PCDHGB3: variants seen among roughly 807,000 people sequenced by gnomAD.
PCDHGB3 encodes the protein protocadherin gamma subfamily B, 3.
PCDHGB3 carries 40 observed loss-of-function variants against 59.2 expected under a neutral mutation model. The ratio of observed to expected loss-of-function variants is 0.68; its 90% CI spans 0.52 to 0.88. The LOEUF is 0.88. PCDHGB3 is among the 40% of genes least tolerant of loss of function. PCDHGB3 has a pLI of 0.00. For missense variants in PCDHGB3, 1,309 were observed against 1,187.9 expected (o/e 1.10, Z -1.50); for synonymous variants, 581 against 503.6 (o/e 1.15, Z -2.06).
At chr5:141,451,315 T>A (rs2154563546) in intron 1 of PCDHGB3, among the ~76,000 whole-genome samples, 1 of 152,330 alleles carries the variant, frequency 6.6e-6, no homozygotes, top group South Asian at 2.1e-4. Context: ...GCAATTAAAG[T>A]GTCACCTAAG....
In PCDHGB3 at chr5:141,476,966, G is replaced by C. The variant is rs780645226; in HGVS notation, c.2416-17841G>C. The C allele has an allele frequency of 1.2e-6, 2 of 1,614,152 alleles. No homozygotes were observed. Among genetic ancestry groups the C allele is most frequent in the Non-Finnish European group, 1.7e-6 (2 of 1,180,032 alleles). On this transcript the variant is annotated intron_variant, in intron 1 of 3. Coordinates refer to ENST00000576222, the MANE Select transcript of PCDHGB3 (RefSeq NM_018924.5). This position sits in a 1 kb window ranked among gnomAD's most constrained non-coding sequence, Gnocchi z 7.6. ...CAACGGTGAAATTATTTACTCCTTCGGCAGCCACAACCGCGCCGGCGTGCG... is the reference window on the plus strand; with the variant it reads ...CAACGGTGAAATTATTTACTCCTTCCGCAGCCACAACCGCGCCGGCGTGCG...
intron 1 of PCDHGB3, chr5:141,375,832 G>A (rs1771947844): frequency 2.5e-6 from 4 of 1,614,028 alleles, no homozygotes; most frequent in Non-Finnish European, 3.4e-6. Context: ...GCTCCGCAGA[G>A]CCCGGCTACC....
intron 1 of PCDHGB3, among the ~76,000 whole-genome samples, chr5:141,437,990 C>G (rs1298325497): frequency 1.3e-5 from 2 of 152,148 alleles, no homozygotes; most frequent in Non-Finnish European, 2.9e-5. Flanking sequence ...CCCACCCCAC[C>G]TCAGCCTCCC....
rs200843744 is a variant in PCDHGB3, at chr5:141,491,417, G to C, written c.2416-3390G>C. 18 of 1,613,988 alleles carry C rather than the reference G, an allele frequency of 1.1e-5. No individual in the cohort carries two copies. Among genetic ancestry groups the C allele is most frequent in the Admixed American group, 5.0e-5 (3 of 60,006 alleles). ...CAGGGAAACGCAGACGGGGACGGGGGTGGAGGGCAGTGCTGCAGGCGCCAG... is the reference window on the plus strand; with the variant it reads ...CAGGGAAACGCAGACGGGGACGGGGCTGGAGGGCAGTGCTGCAGGCGCCAG... On this transcript the variant is annotated intron_variant, in intron 1 of 3. Transcript: ENST00000576222. This position sits in a 1 kb window ranked among gnomAD's most constrained non-coding sequence, Gnocchi z 6.9.
intron 1 of PCDHGB3, among the ~76,000 whole-genome samples, chr5:141,457,480 G>T (rs566798464): frequency 6.6e-6 from 1 of 152,148 alleles, no homozygotes; most frequent in African/African-American, 2.4e-5. Context: ...GCAGGGCCAG[G>T]GTTAGTCTAA....
chr5:141,475,008 T>C (rs1292437400), intron 1 of PCDHGB3, among the ~76,000 whole-genome samples: 1 of 152,258 alleles, frequency 6.6e-6, no homozygotes, highest in Admixed American at 6.5e-5. Flanking sequence ...TGCAGAAAAG[T>C]TAAGGCTCTT....
In PCDHGB3 at chr5:141,489,950, A is replaced by G; in HGVS notation, c.2416-4857A>G. 2 of 1,614,192 alleles carry G rather than the reference A, an allele frequency of 1.2e-6. No individual in the cohort carries two copies. The highest frequency in any genetic ancestry group is 1.1e-5 in the South Asian group (1 of 91,088). ...TCTGTCATCGTGCTGGACATCAATG[A>G]TAATGCTCCAACCTTCCAATCCTCA... On this transcript the variant is annotated intron_variant, in intron 1 of 3. Transcript: ENST00000576222. The surrounding 1 kb of genome is among the most constrained non-coding windows in gnomAD (Gnocchi z 4.5).
At chr5:141,451,624 G>A (rs1016417101) in intron 1 of PCDHGB3, among the ~76,000 whole-genome samples, 3 of 152,150 alleles carry the variant, frequency 2.0e-5, no homozygotes, top group African/African-American at 7.2e-5. Context: ...GCTCAAACCT[G>A]TAATTCCAGC....
chr5:141,390,837 T>C (rs1299248607), intron 1 of PCDHGB3: 1 of 163,140 alleles, frequency 6.1e-6, no homozygotes. Flanking sequence ...ATGGACCCCT[T>C]GTGATTATAT....
Position 141,485,436 on chromosome 5 carries a change from A to G in PCDHGB3, c.2416-9371A>G, listed in dbSNP as rs2099613369. On this transcript the variant is annotated intron_variant, in intron 1 of 3. Transcript: ENST00000576222. This position sits in a 1 kb window ranked among gnomAD's most constrained non-coding sequence, Gnocchi z 5.7. ...GACAGCGGAGCCCTGCTCATCAAGA[A>G]CCCAATCGACCGAGAGGCACTGTGT... 1.9e-6 allele frequency: 3 copies of G among 1,614,092 alleles called. No individual in the cohort carries two copies. The highest frequency in any genetic ancestry group is 2.7e-5 in the African/African-American group (2 of 74,934).
chr5:141,384,898 A>G (rs982769749), intron 1 of PCDHGB3: 168 of 1,613,752 alleles, frequency 1.0e-4, no homozygotes, highest in Non-Finnish European at 1.3e-4. Flanking sequence ...TGTGGCTGAC[A>G]GCATCCCCGA....
Position 141,371,960 on chromosome 5 carries a change from C to A in PCDHGB3, c.1566C>A (p.His522Gln), listed in dbSNP as rs771450244. The change falls in exon 1 of 4, where the codon CAC becomes CAA. Residue 522 changes from histidine to glutamine, a missense_variant. Transcript: ENST00000576222. ...TGTTCGCGCAGCGAGCCTTCGACCACGAGCAGCTGCGTGCCTTCGAGCTCA... is the reference window on the plus strand; with the variant it reads ...TGTTCGCGCAGCGAGCCTTCGACCAAGAGCAGCTGCGTGCCTTCGAGCTCA... The part of the protein sequence containing the change: ...GVVFAQRAFD[H>Q]EQLRAFELTL... 1.9e-6 allele frequency: 3 copies of A among 1,613,142 alleles called. No homozygotes were observed. The African/African-American group carries it at 4.0e-5, about 22-fold the overall frequency.
In PCDHGB3 at chr5:141,405,631, C is replaced by T. The variant is rs150331884; in HGVS notation, c.2415+32822C>T. The T allele has an allele frequency of 4.9e-3, 2,596 of 530,826 alleles. 48 individuals carry two copies. The highest frequency in any genetic ancestry group is 0.045 in the African/African-American group (2,348 of 52,012). The allele number at this position is 530,826 out of a possible 1,614,324, so 32.9% of individuals were successfully genotyped here. ...CTGGGACTACAGGCACGTGCCACCA[C>T]GCCCGGCTAATTTTTTGTGTGTTTT... is the stretch of plus-strand genomic sequence containing the variant. On this transcript the variant is annotated intron_variant, in intron 1 of 3. Transcript: ENST00000576222.
Position 141,375,767 on chromosome 5 carries a change from A to T in PCDHGB3, c.2415+2958A>T, listed in dbSNP as rs190439419. ...GGACCAGAATGACAATGCGCCCGAGATCCTGTACCCCGCCCTCCCCACAGA... is the reference window on the plus strand; with the variant it reads ...GGACCAGAATGACAATGCGCCCGAGTTCCTGTACCCCGCCCTCCCCACAGA... On this transcript the variant is annotated intron_variant, in intron 1 of 3. Transcript: ENST00000576222. 3.1e-4 allele frequency: 496 copies of T among 1,614,182 alleles called. 1 individual carries two copies. The highest frequency in any genetic ancestry group is 3.8e-4 in the Non-Finnish European group (444 of 1,180,008).
Position 141,487,892 on chromosome 5 carries a change from T to A in PCDHGB3, c.2416-6915T>A. On this transcript the variant is annotated intron_variant, in intron 1 of 3. Coordinates refer to ENST00000576222, the MANE Select transcript of PCDHGB3 (RefSeq NM_018924.5). The surrounding 1 kb of genome is among the most constrained non-coding windows in gnomAD (Gnocchi z 5.0). The stretch of plus-strand genomic sequence containing the variant: ...GAGCCAGGCTGTTGTGGAAGCATGA[T>A]GATGGAATGTGGGAGCACAGGAGGC... 1 of 731,410 alleles carries A rather than the reference T, an allele frequency of 1.4e-6. No homozygotes were observed. Among genetic ancestry groups the A allele is most frequent in the South Asian group, 1.8e-5 (1 of 54,120 alleles). The allele number at this position is 731,410 out of a possible 1,614,324, so 45.3% of individuals were successfully genotyped here. A position where few individuals can be genotyped will look rare whatever the true frequency, so the allele number is the denominator to read the frequency against.
At chr5:141,430,874 C>A in intron 1 of PCDHGB3, 2 of 1,598,990 alleles carry the variant, frequency 1.3e-6, no homozygotes, top group East Asian at 4.5e-5. Context: ...TCCGGAAGAG[C>A]TGGAGAAAGG....
In PCDHGB3 at chr5:141,501,176, T is replaced by C. The variant is rs917315609; in HGVS notation, c.2475-4217T>C. ...GCCACCATCCCCAGCCTCATTTACA[T>C]TTTAACACAATTAAATTCAGGGTGT... On this transcript the variant is annotated intron_variant, in intron 2 of 3. Coordinates refer to ENST00000576222, the MANE Select transcript of PCDHGB3 (RefSeq NM_018924.5). Among the ~76,000 whole-genome samples, 16 of 152,244 alleles carry C rather than the reference T, an allele frequency of 1.1e-4. No homozygotes were observed. In the South Asian group the frequency reaches 3.3e-3, roughly 32 times the overall value.
rs772257649 is a variant in PCDHGB3 at position 141,371,656 on chromosome 5, C to G, written c.1262C>G (p.Thr421Arg). ...DREQIPEYNV[T>R]ITATDKGNPP... ...GAGCAGATCCCAGAATACAATGTGA[C>G]GATCACAGCTACCGACAAAGGCAAT... The change falls in exon 1 of 4, where the codon ACG (threonine) becomes AGG (arginine). Residue 421 changes from threonine (T) to arginine (R), a missense_variant. Coordinates refer to ENST00000576222, the MANE Select transcript of PCDHGB3 (RefSeq NM_018924.5). The G allele has an allele frequency of 1.2e-6, 2 of 1,614,004 alleles. No individual in the cohort carries two copies. The highest frequency in any genetic ancestry group is 1.7e-6 in the Non-Finnish European group (2 of 1,179,892).
chr5:141,371,633 G>C lies in PCDHGB3; in HGVS notation c.1239G>C (p.Glu413Asp). ...TGACAGATGGAGCCCTGGACCGGGAGCAGATCCCAGAATACAATGTGACGA... is the reference window on the plus strand; with the variant it reads ...TGACAGATGGAGCCCTGGACCGGGACCAGATCCCAGAATACAATGTGACGA... ...RLVTDGALDREQIPEYNVTIT... is the reference protein window; with the variant it reads ...RLVTDGALDRDQIPEYNVTIT... The change falls in exon 1 of 4, where the codon GAG (glutamate) becomes GAC (aspartate). Residue 413 changes from glutamate (E) to aspartate (D), a missense_variant. Transcript: ENST00000576222. 1 of 1,614,040 alleles carries C rather than the reference G, an allele frequency of 6.2e-7. No individual in the cohort carries two copies. The highest frequency in any genetic ancestry group is 8.5e-7 in the Non-Finnish European group (1 of 1,179,898).
Sources: allele counts gnomAD v4.1 joint callset (sites outside exome capture counted in the v4.1 genomes callset), GRCh38; gene constraint gnomAD v4.1.1; non-coding constraint Gnocchi (gnomAD v3.1); transcripts MANE v1.5; gene names NCBI Gene and HGNC (gene_info 2026-07-23, HGNC 2026-07-21).